The following CAPZB variants were observed in gnomAD, a reference collection of about 807,000 sequenced individuals.
The protein encoded by CAPZB is capping actin protein of muscle Z-line subunit beta.
CAPZB carries 2 observed loss-of-function variants against 38.1 expected under a neutral mutation model. The observed-to-expected ratio is 0.05, with a 90% CI of 0.02 to 0.17. The LOEUF (loss-of-function observed/expected upper bound fraction) is 0.17. Ranked by LOEUF, CAPZB falls within the 10% of genes least tolerant of loss-of-function variation. The probability of loss-of-function intolerance (pLI) is 1.00; values close to 1 mark genes in which losing one functional copy is unlikely to be tolerated. For missense variants in CAPZB, 161 were observed against 334.2 expected (o/e 0.48, Z 4.04); for synonymous variants, 107 against 127.4 (o/e 0.84, Z 1.08).
intron 2 of CAPZB, among the ~76,000 whole-genome samples, chr1:19,390,188 G>C (rs80160224): frequency 2.0e-5 from 3 of 152,168 alleles, no homozygotes; most frequent in Non-Finnish European, 2.9e-5. Context: ...TACTCATGTC[G>C]AGTGCTTAGA....
chr1:19,360,470 C>T (rs1045381860), intron 4 of CAPZB, among the ~76,000 whole-genome samples: 4 of 152,204 alleles, frequency 2.6e-5, no homozygotes, highest in African/African-American at 7.2e-5. Flanking sequence ...TGCAGAGCTG[C>T]GGTGCTGTGC....
intron 2 of CAPZB, among the ~76,000 whole-genome samples, chr1:19,408,888 A>T (rs559371056): frequency 4.3e-4 from 65 of 152,368 alleles, no homozygotes; most frequent in Non-Finnish European, 7.9e-4. Flanking sequence ...CTATTGAAGC[A>T]GCAGGAAGTT....
intron 2 of CAPZB, among the ~76,000 whole-genome samples, chr1:19,388,497 T>C (rs1320692568): frequency 3.9e-5 from 6 of 152,240 alleles, no homozygotes; most frequent in Non-Finnish European, 1.5e-5. Context: ...TAGGAATCTT[T>C]AGCAAAAGCA....
intron 8 of CAPZB, among the ~76,000 whole-genome samples, chr1:19,341,259 A>C (rs769353824): frequency 3.3e-5 from 5 of 152,162 alleles, no homozygotes; most frequent in Non-Finnish European, 5.9e-5. Flanking sequence ...CACGGCCCCC[A>C]GGCTCCAAAT....
chr1:19,416,860 C>CAAAAAAAAAAAAAAAAAAAAAAA lies in CAPZB; in HGVS notation c.93+2778_93+2800dup, dbSNP rs59789230. 1.2e-4 allele frequency among the ~76,000 whole-genome samples: 8 copies of CAAAAAAAAAAAAAAAAAAAAAAA among 69,444 alleles called. 1 individual carries two copies. Among genetic ancestry groups the CAAAAAAAAAAAAAAAAAAAAAAA allele is most frequent in the African/African-American group, 4.2e-4 (7 of 16,806 alleles). 45.6% of individuals were successfully genotyped at this position (69,444 alleles called of 152,430 possible). On this transcript the variant is annotated intron_variant, in intron 2 of 8. Transcript: ENST00000264202. ...TGGGTGACAGAGCAAGACCCTGTCT[C>CAAAAAAAAAAAAAAAAAAAAAAA]AAAAAAAAAAAAAAAAAAAAAAAAA...
At chr1:19,351,875 G>A (rs1011196956) in intron 6 of CAPZB, among the ~76,000 whole-genome samples, 1 of 152,106 alleles carries the variant, frequency 6.6e-6, no homozygotes, top group Non-Finnish European at 1.5e-5. Flanking sequence ...TCCTGTTTCC[G>A]CCCTTCACAG....
intron 1 of CAPZB, among the ~76,000 whole-genome samples, chr1:19,452,504 T>A (rs1438607753): frequency 6.6e-6 from 1 of 152,088 alleles, no homozygotes; most frequent in African/African-American, 2.4e-5. Flanking sequence ...AGGGTCTGAG[T>A]TGTGGGCTGA....
chr1:19,413,180 A>G (rs756445909), intron 2 of CAPZB, among the ~76,000 whole-genome samples: 1 of 152,192 alleles, frequency 6.6e-6, no homozygotes, highest in Non-Finnish European at 1.5e-5. Context: ...AAGCTGAAGA[A>G]TCCTTGCATT....
chr1:19,368,508 A>C (rs1195974084), intron 4 of CAPZB, among the ~76,000 whole-genome samples: 2 of 151,448 alleles, frequency 1.3e-5, no homozygotes, highest in South Asian at 2.1e-4. Flanking sequence ...AAAAAAAAAA[A>C]AAAAAACGGT....
chr1:19,471,451 G>A (rs1035377577), intron 1 of CAPZB, among the ~76,000 whole-genome samples: 3 of 152,194 alleles, frequency 2.0e-5, no homozygotes, highest in African/African-American at 4.8e-5. Flanking sequence ...GACCCCAAGG[G>A]TGCAGGGCTG....
At chr1:19,359,213 T>A (rs1386275304) in intron 4 of CAPZB, among the ~76,000 whole-genome samples, 1 of 46,208 alleles carries the variant, frequency 2.2e-5, no homozygotes, top group East Asian at 9.1e-4. Flanking sequence ...CTGTACTCTT[T>A]TTTTTTTTTT....
chr1:19,458,149 T>C (rs2094539089), intron 1 of CAPZB, among the ~76,000 whole-genome samples: 1 of 151,650 alleles, frequency 6.6e-6, no homozygotes, highest in Admixed American at 6.6e-5. Flanking sequence ...TTTTTCCTTC[T>C]GTGATCTGAG....
intron 1 of CAPZB, among the ~76,000 whole-genome samples, chr1:19,442,194 T>A (rs906748579): frequency 6.6e-5 from 10 of 152,272 alleles, no homozygotes; most frequent in Admixed American, 3.9e-4. Context: ...ATTTTTTAAC[T>A]GACAATTTTC....
At position 19,462,616 on chromosome 1, in the gene CAPZB, G is replaced by A. The variant is rs184292253; in HGVS notation, c.3+22820C>T. Among the ~76,000 whole-genome samples the A allele has an allele frequency of 2.3e-3, 356 of 152,288 alleles. 1 individual carries two copies. Among genetic ancestry groups the A allele is most frequent in the African/African-American group, 8.2e-3 (342 of 41,550 alleles). Reference sequence around the variant, plus strand: ...AAAAAATAGTAGGCACGAAGTAAGCGCATTGAATAAATAATAACCACATAT... The same window carrying A: ...AAAAAATAGTAGGCACGAAGTAAGCACATTGAATAAATAATAACCACATAT... On this transcript the variant is annotated intron_variant, in intron 1 of 8. Transcript: ENST00000264202.
At chr1:19,435,255 C>T (rs1224120631) in intron 1 of CAPZB, among the ~76,000 whole-genome samples, 3 of 152,206 alleles carry the variant, frequency 2.0e-5, no homozygotes, top group South Asian at 2.1e-4. Context: ...AGACATATTT[C>T]GCAAGCTCAA....
intron 1 of CAPZB, among the ~76,000 whole-genome samples, chr1:19,442,343 T>TG (rs368795157): frequency 4.0e-5 from 6 of 151,428 alleles, no homozygotes; most frequent in Non-Finnish European, 7.4e-5. Context: ...AGCTGGGGAG[T>TG]GGGGGGGCGT....
chr1:19,449,496 A>G (rs1289602818), intron 1 of CAPZB, among the ~76,000 whole-genome samples: 1 of 152,124 alleles, frequency 6.6e-6, no homozygotes, highest in East Asian at 1.9e-4. Flanking sequence ...AAGAAAATGT[A>G]GGCTGGACTG....
chr1:19,406,369 C>A (rs1179141233), intron 2 of CAPZB, among the ~76,000 whole-genome samples: 1 of 152,186 alleles, frequency 6.6e-6, no homozygotes, highest in Non-Finnish European at 1.5e-5. Context: ...ACCACGGATG[C>A]TTCCGTCTCC....
chr1:19,476,784 G>C (rs1019927928), intron 1 of CAPZB, among the ~76,000 whole-genome samples: 3 of 152,156 alleles, frequency 2.0e-5, no homozygotes, highest in Non-Finnish European at 4.4e-5. Flanking sequence ...TCAACAAGTG[G>C]AACCAAAAAA....
Sources: allele counts gnomAD v4.1 joint callset (sites outside exome capture counted in the v4.1 genomes callset), GRCh38; gene constraint gnomAD v4.1.1; transcripts MANE v1.5; gene names NCBI Gene and HGNC (gene_info 2026-07-23, HGNC 2026-07-21).